Variants in TOR2A observed in about 807,000 individuals in gnomAD.
TOR2A encodes the protein torsin family 2 member A.
Under a neutral mutation model 28.6 loss-of-function variants are expected in TOR2A, and 24 were observed. The observed-to-expected ratio is 0.84, with a 90% confidence interval of 0.61 to 1.18. TOR2A has a LOEUF of 1.18. Among genes scored for constraint, TOR2A ranks in the 50% most tolerant of loss-of-function variants. The probability of loss-of-function intolerance (pLI) is 0.00; values close to 1 mark genes in which losing one functional copy is unlikely to be tolerated. For missense variants in TOR2A, 426 were observed against 448.1 expected, an observed-to-expected ratio of 0.95 and a Z score of 0.45; for synonymous variants, 203 against 203.1, an observed-to-expected ratio of 1.00 and a Z score of 0.00.
At position 127,732,691 on chromosome 9, in the gene TOR2A, G is replaced by A; in HGVS notation, c.594C>T (p.Ser198=). The A allele has an allele frequency of 1.3e-6, 2 of 1,562,250 alleles. No individual in the cohort carries two copies. The highest frequency in any genetic ancestry group is 2.4e-5 in the East Asian group (1 of 42,032). ...NYRKAIFIFI[S]NTGGKQINQV... ...GGTTGATCTGCTTGCCACCCGTGTT[G>A]CTAAAACCATGGGGGACCCAGGCTG... The change falls in exon 4 of 5, where the codon AGC becomes AGT. Residue 198 remains serine (S), a splice_region_variant and synonymous_variant. Coordinates refer to ENST00000373284, the MANE Select transcript of TOR2A (RefSeq NM_001085347.3).
Position 127,735,127 on chromosome 9 carries a change from G to C in TOR2A, c.144C>G (p.Asp48Glu). 6.8e-7 allele frequency: 1 copy of C among 1,476,998 alleles called. No homozygotes were observed. Among genetic ancestry groups the C allele is most frequent in the Non-Finnish European group, 8.9e-7 (1 of 1,120,482 alleles). 91.5% of individuals were successfully genotyped at this position (1,476,998 alleles called of 1,614,324 possible). ...GGCTCCCTGGCGCCTCACCCGGCAA[G>C]TCGGGCCGGAAGTCGCATTCGCAAA... The part of the protein sequence containing the change: ...GAFCECDFRP[D>E]LPGLECDLAQ... The change falls in exon 1 of 5, where the codon GAC (aspartate) becomes GAG (glutamate). Residue 48 changes from aspartate to glutamate, a missense_variant. By Grantham distance (45) the Asp-to-Glu change is conservative (BLOSUM62 2). Coordinates refer to ENST00000373284, the MANE Select transcript of TOR2A (RefSeq NM_001085347.3).
chr9:127,734,864 G>T, intron 1 of TOR2A: 1 of 557,324 alleles, frequency 1.8e-6, no homozygotes, highest in Non-Finnish European at 2.9e-6. Flanking sequence ...CTCCTTTGAC[G>T]GCCAGGCCAT....
rs751653649 is a variant in TOR2A, at chr9:127,733,593, T to C, written c.418-33A>G. ...GGAGAGACAGGAGTTCCAGGGGAGC[T>C]GGAGAAACTCCCCCAACACCAGACC... On this transcript the variant is annotated intron_variant, in intron 2 of 4. Transcript: ENST00000373284. 1.3e-5 allele frequency: 20 copies of C among 1,566,010 alleles called. 1 individual carries two copies. Among genetic ancestry groups the C allele is most frequent in the African/African-American group, 8.2e-5 (6 of 73,526 alleles).
chr9:127,732,466 A>C, intron 4 of TOR2A, 98 bp downstream of exon 4: 1 of 1,459,658 alleles, frequency 6.9e-7, no homozygotes, highest in South Asian at 1.4e-5. Context: ...CAGGCTCAGA[A>C]CTGCCGGGTC....
Position 127,735,245 on chromosome 9 carries a change from C to T in TOR2A, c.26G>A (p.Arg9Gln), listed in dbSNP as rs1208651274. 11 of 1,421,262 alleles carry T rather than the reference C, an allele frequency of 7.7e-6. No individual in the cohort carries two copies. The highest frequency in any genetic ancestry group is 3.3e-5 in the Admixed American group (1 of 30,090). The allele number at this position is 1,421,262 out of a possible 1,614,324, so 88.0% of individuals were successfully genotyped here. A position where few individuals can be genotyped will look rare whatever the true frequency, so the allele number is the denominator to read the frequency against. The part of the protein sequence containing the change: MAAATRGC[R>Q]PWGSLLGLLG... ...CAGCCCGAGGAGCGAGCCCCAGGGC[C>T]GGCAGCCGCGCGTCGCAGCCGCCAT... The change falls in exon 1 of 5, where the codon CGG becomes CAG. Residue 9 changes from arginine to glutamine, a missense_variant. By Grantham distance (43) the Arg-to-Gln change is conservative (BLOSUM62 1). Coordinates refer to ENST00000373284, the MANE Select transcript of TOR2A (RefSeq NM_001085347.3).
At position 127,735,148 on chromosome 9, in the gene TOR2A, G is replaced by C; in HGVS notation, c.123C>G (p.Cys41Trp). Residue 41 changes from cysteine (C) to tryptophan (W), a missense_variant, in exon 1 of 5, where the codon TGC (cysteine) becomes TGG (tryptophan). Cys to Trp is a radical substitution (Grantham distance 215). Coordinates refer to ENST00000373284, the MANE Select transcript of TOR2A (RefSeq NM_001085347.3). ...GCAAGTCGGGCCGGAAGTCGCATTC[G>C]CAAAAGGCGCCCAAGGTGCAGCGCA... The part of the protein sequence containing the change: ...ASLRCTLGAF[C>W]ECDFRPDLPG... 1 of 1,483,518 alleles carries C rather than the reference G, an allele frequency of 6.7e-7. No homozygotes were observed. Among genetic ancestry groups the C allele is most frequent in the Non-Finnish European group, 8.9e-7 (1 of 1,124,426 alleles). The allele number at this position is 1,483,518 out of a possible 1,614,324, so 91.9% of individuals were successfully genotyped here.
In TOR2A at chr9:127,735,162, A is replaced by T; in HGVS notation, c.109T>A (p.Leu37Met). 6.7e-7 allele frequency: 1 copy of T among 1,486,930 alleles called. No homozygotes were observed. Among genetic ancestry groups the T allele is most frequent in the Admixed American group, 2.3e-5 (1 of 44,074 alleles). The allele number at this position is 1,486,930 out of a possible 1,614,324, so 92.1% of individuals were successfully genotyped here. A position where few individuals can be genotyped will look rare whatever the true frequency, so the allele number is the denominator to read the frequency against. The change falls in exon 1 of 5, where the codon TTG becomes ATG. Residue 37 changes from leucine to methionine, a missense_variant. Transcript: ENST00000373284. ...AWDLASLRCTLGAFCECDFRP... is the reference protein window; with the variant it reads ...AWDLASLRCTMGAFCECDFRP... ...AAGTCGCATTCGCAAAAGGCGCCCA[A>T]GGTGCAGCGCAGGGAAGCCAGGTCC...
At chr9:127,734,753 C>A in intron 1 of TOR2A, 189 bp from the exon 2 acceptor site, 2 of 672,968 alleles carry the variant, frequency 3.0e-6, no homozygotes. Flanking sequence ...AGCTCGGCAG[C>A]GCCCCCACCA....
intron 4 of TOR2A, 75 bp downstream of exon 4, chr9:127,732,489 A>G: frequency 6.7e-7 from 1 of 1,482,034 alleles, no homozygotes; most frequent in Non-Finnish European, 8.9e-7. Flanking sequence ...TGGGCAAAGC[A>G]TGAGACCCCG....
chr9:127,734,475 G>A lies in TOR2A; in HGVS notation c.241C>T (p.Pro81Ser), dbSNP rs1340317752. 6.2e-7 allele frequency: 1 copy of A among 1,600,082 alleles called. No individual in the cohort carries two copies. The highest frequency in any genetic ancestry group is 8.5e-7 in the Non-Finnish European group (1 of 1,173,986). ...VKALKAFVRD[P>S]APTKPLVLSL... ...AGGACCAGCGGCTTGGTGGGGGCTG[G>A]GTCCCGCACAAAGGCCTTCAGCGCC... Residue 81 changes from proline to serine, a missense_variant, in exon 2 of 5, where the codon CCA (proline) becomes TCA (serine). Physicochemically the swap from Pro to Ser is moderately conservative, Grantham distance 74. Coordinates refer to ENST00000373284, the MANE Select transcript of TOR2A (RefSeq NM_001085347.3).
At chr9:127,732,533 G>T in intron 4 of TOR2A, 31 bp downstream of exon 4, 4 of 1,558,104 alleles carry the variant, frequency 2.6e-6, no homozygotes, top group Non-Finnish European at 2.6e-6. Context: ...GGGTGAAGCT[G>T]CCCGGGAGGG....
chr9:127,734,390 T>C lies in TOR2A; in HGVS notation c.326A>G (p.Tyr109Cys). The change falls in exon 2 of 5, where the codon TAC becomes TGC. Residue 109 changes from tyrosine (Y) to cysteine (C), a missense_variant. Tyr to Cys is a radical substitution (Grantham distance 194, BLOSUM62 -2). Transcript: ENST00000373284. The stretch of plus-strand genomic sequence containing the variant: ...GCTGCGGAGGCCGCCCTGGAAGAGG[T>C]AGTGCGCCAGCAGGGAGCTGACATA... ...KSYVSSLLAH[Y>C]LFQGGLRSPR... The C allele has an allele frequency of 1.2e-6, 2 of 1,611,984 alleles. No individual in the cohort carries two copies. The highest frequency in any genetic ancestry group is 1.7e-5 in the Admixed American group (1 of 59,924).
At chr9:127,734,155 A>C (rs1844585460) in intron 2 of TOR2A, 144 bp downstream of exon 2, 1 of 1,104,856 alleles carries the variant, frequency 9.1e-7, no homozygotes, top group African/African-American at 1.6e-5. Context: ...CACCTTCCCA[A>C]GTTCTGTGCA....
At chr9:127,734,167 G>A in intron 2 of TOR2A, 132 bp downstream of exon 2, 2 of 1,227,186 alleles carry the variant, frequency 1.6e-6, no homozygotes, top group Non-Finnish European at 2.2e-6. Context: ...TTCTGTGCAG[G>A]ATGGGTCCTG....
chr9:127,734,732 GGGCC>G, intron 1 of TOR2A, 168 bp from the exon 2 acceptor site: 1 of 820,244 alleles, frequency 1.2e-6, no homozygotes, highest in African/African-American at 1.8e-5. Flanking sequence ...AGCCACCTTC[GGGCC>G]TGATTCAGCT....
rs746336214 is a variant in TOR2A, at chr9:127,731,997, C to T, written c.*37G>A. On this transcript the variant is annotated 3_prime_UTR_variant, in exon 5 of 5. Coordinates refer to ENST00000373284, the MANE Select transcript of TOR2A (RefSeq NM_001085347.3). The stretch of plus-strand genomic sequence containing the variant: ...AGGCCCCTGGCCTTTCCTGCATGGC[C>T]TGGCCATCAGGGGGGCCGAGGACAC... 1.3e-6 allele frequency: 2 copies of T among 1,592,372 alleles called. No homozygotes were observed. Among genetic ancestry groups the T allele is most frequent in the African/African-American group, 1.3e-5 (1 of 74,448 alleles).
In TOR2A at chr9:127,731,884, T is replaced by C. The variant is rs1844441800; in HGVS notation, c.*150A>G. On this transcript the variant is annotated 3_prime_UTR_variant, in exon 5 of 5. Coordinates refer to ENST00000373284, the MANE Select transcript of TOR2A (RefSeq NM_001085347.3). Reference sequence around the variant, plus strand: ...GGGCCAAGATGCTCTCGAGCCAGTTTAGAGGCCAGGGCCCTTCCTGGCCAT... The same window carrying C: ...GGGCCAAGATGCTCTCGAGCCAGTTCAGAGGCCAGGGCCCTTCCTGGCCAT... 6.9e-7 allele frequency: 1 copy of C among 1,453,212 alleles called. No homozygotes were observed. 90.0% of individuals were successfully genotyped at this position (1,453,212 alleles called of 1,614,324 possible).
At position 127,734,533 on chromosome 9, in the gene TOR2A, G is replaced by A. The variant is rs755864046; in HGVS notation, c.183C>T (p.Ala61=). Residue 61 remains alanine (A), a synonymous_variant, in exon 2 of 5, where the codon GCC becomes GCT. Coordinates refer to ENST00000373284, the MANE Select transcript of TOR2A (RefSeq NM_001085347.3). ...CCAGCGCCTTGGCCAGATGCTGGCCGGCCAGGTGCTGAGCCAGGTCACACT... is the reference window on the plus strand; with the variant it reads ...CCAGCGCCTTGGCCAGATGCTGGCCAGCCAGGTGCTGAGCCAGGTCACACT... ...GLECDLAQHL[A]GQHLAKALVV... 2.0e-6 allele frequency: 3 copies of A among 1,531,726 alleles called. No homozygotes were observed. The highest frequency in any genetic ancestry group is 1.4e-5 in the African/African-American group (1 of 72,278). The allele number at this position is 1,531,726 out of a possible 1,614,324, so 94.9% of individuals were successfully genotyped here.
Position 127,732,045 on chromosome 9 carries a change from A to G in TOR2A, c.955T>C (p.Phe319Leu). ...CACCACTCAGAGAGTCAGAGGAAGA[A>G]GGCGATTCGGGAGGCCACGGTCTTG... The part of the protein sequence containing the change: ...GCKTVASRIA[F>L]FL The change falls in exon 5 of 5, where the codon TTC (phenylalanine) becomes CTC (leucine). Residue 319 changes from phenylalanine (F) to leucine (L), a missense_variant. Physicochemically the swap from Phe to Leu is conservative, Grantham distance 22. Coordinates refer to ENST00000373284, the MANE Select transcript of TOR2A (RefSeq NM_001085347.3). 1.9e-6 allele frequency: 3 copies of G among 1,613,480 alleles called. No individual in the cohort carries two copies. The highest frequency in any genetic ancestry group is 2.5e-6 in the Non-Finnish European group (3 of 1,179,814).
Sources: allele counts gnomAD v4.1 joint callset, GRCh38; gene constraint gnomAD v4.1.1; transcripts MANE v1.5; gene names NCBI Gene and HGNC (gene_info 2026-07-23, HGNC 2026-07-21).